The following LNX1 variants were observed in gnomAD, a reference collection of about 807,000 sequenced individuals.
The protein encoded by LNX1 is ligand of numb-protein X 1.
LNX1 carries 54 observed loss-of-function variants against 68.4 expected under a neutral mutation model. The ratio of observed to expected loss-of-function variants is 0.79; its 90% CI spans 0.63 to 0.99. LNX1 has a LOEUF of 0.99. LNX1 is among the 50% of genes least tolerant of loss of function. The pLI, the probability that LNX1 is intolerant of heterozygous loss-of-function variation, is 0.00. For synonymous variants in LNX1, 336 were observed against 350.0 expected (o/e 0.96, Z 0.45); for missense variants, 906 against 926.4 (o/e 0.98, Z 0.29).
At chr4:53,477,213 A>G (rs930411863) in intron 8 of LNX1, among the ~76,000 whole-genome samples, 2 of 152,088 alleles carry the variant, frequency 1.3e-5, no homozygotes, top group African/African-American at 4.8e-5. Flanking sequence ...TCGGTGTTTT[A>G]CACAAGAATA....
intron 9 of LNX1, among the ~76,000 whole-genome samples, chr4:53,467,926 T>C (rs1722820546): frequency 6.6e-6 from 1 of 152,170 alleles, no homozygotes; most frequent in African/African-American, 2.4e-5. Context: ...TGCAAGATAA[T>C]ATCCAGGAGA....
chr4:53,537,070 C>T (rs899237873), intron 2 of LNX1, among the ~76,000 whole-genome samples: 2 of 152,158 alleles, frequency 1.3e-5, no homozygotes, highest in Non-Finnish European at 2.9e-5. Flanking sequence ...AGACTCACCT[C>T]TAGGTTTGTT....
intron 1 of LNX1, among the ~76,000 whole-genome samples, chr4:53,644,074 T>C (rs774362460): frequency 2.0e-5 from 3 of 152,180 alleles, no homozygotes; most frequent in African/African-American, 4.8e-5. Flanking sequence ...GCACTTACTA[T>C]GTTTTGTACT....
At chr4:53,612,733 C>T (rs568100241) in intron 2 of LNX1, among the ~76,000 whole-genome samples, 125 of 148,454 alleles carry the variant, frequency 8.4e-4, no homozygotes, top group African/African-American at 2.4e-3. Context: ...GATGGGGTCT[C>T]GCTATATTGG....
chr4:53,478,523 TC>T lies in LNX1; in HGVS notation c.1663+41del, dbSNP rs754086178. ...TAACAAGCTACTAATTTCTCTTGAT[TC>T]TCTGCCACCCCAGTGCCTTTAAAAT... On this transcript the variant is annotated intron_variant, in intron 8 of 10. Transcript: ENST00000263925. The T allele has an allele frequency of 7.8e-6, 12 of 1,534,158 alleles. No homozygotes were observed. In the Admixed American group the frequency reaches 1.9e-4, roughly 25 times the overall value.
intron 2 of LNX1, among the ~76,000 whole-genome samples, chr4:53,534,292 T>G (rs532990150): frequency 4.5e-4 from 68 of 152,278 alleles, no homozygotes; most frequent in African/African-American, 1.5e-3. Context: ...GGCATATGTT[T>G]CTGGGTAGGG....
At chr4:53,620,509 T>C (rs1213955106), upstream of LNX1, among the ~76,000 whole-genome samples, 1 of 151,932 alleles carries the variant, frequency 6.6e-6, no homozygotes, top group Non-Finnish European at 1.5e-5. Context: ...TCAGACACAG[T>C]GTTAGGTGTT....
chr4:53,524,103 T>C (rs1229385751), intron 2 of LNX1: 2 of 152,222 alleles, frequency 1.3e-5, no homozygotes, highest in Admixed American at 6.5e-5. Flanking sequence ...TTACTGTTAA[T>C]AGTATTAATA....
At chr4:53,553,673 G>A (rs1388528137) in intron 2 of LNX1, among the ~76,000 whole-genome samples, 3 of 152,126 alleles carry the variant, frequency 2.0e-5, no homozygotes, top group African/African-American at 4.8e-5. Context: ...GGGCATGTGG[G>A]GAAAGAAAGC....
chr4:53,570,548 C>T (rs370129787), intron 2 of LNX1, among the ~76,000 whole-genome samples: 11 of 149,874 alleles, frequency 7.3e-5, no homozygotes, highest in South Asian at 6.4e-4. Flanking sequence ...TAGCATTGGG[C>T]GATATACCTA....
Position 53,614,428 on chromosome 4 carries a change from C to T in LNX1, c.-215+2089G>A, listed in dbSNP as rs568710395. On this transcript the variant is annotated intron_variant, in intron 2 of 3. Coordinates refer to the LNX1 transcript ENST00000504299. ...CCCTTTGGGATCTCTACCTCTATCC[C>T]TTCTCATCCATACTTCCTTTAGTGA... Among the ~76,000 whole-genome samples, 8 of 152,276 alleles carry T rather than the reference C, an allele frequency of 5.3e-5. No homozygotes were observed. In the South Asian group the frequency reaches 1.0e-3, roughly 20 times the overall value.
chr4:53,576,946 T>C (rs891698874), intron 1 of LNX1, among the ~76,000 whole-genome samples: 1 of 152,254 alleles, frequency 6.6e-6, no homozygotes, highest in African/African-American at 2.4e-5. Context: ...GTAATATGCC[T>C]GAGAGGACAC....
intron 1 of LNX1, among the ~76,000 whole-genome samples, chr4:53,648,506 C>T (rs574267950): frequency 2.0e-5 from 3 of 152,262 alleles, no homozygotes; most frequent in Admixed American, 6.5e-5. Flanking sequence ...TGGATATTAA[C>T]CCCTTCTCAG....
At chr4:53,509,714 A>G (rs1365087189) in intron 2 of LNX1, among the ~76,000 whole-genome samples, 1 of 152,182 alleles carries the variant, frequency 6.6e-6, no homozygotes, top group African/African-American at 2.4e-5. Flanking sequence ...CGCTATTTCC[A>G]TATTTTGTAC....
chr4:53,534,516 C>T (rs529020381), intron 2 of LNX1, among the ~76,000 whole-genome samples: 34 of 152,196 alleles, frequency 2.2e-4, no homozygotes, highest in African/African-American at 7.7e-4. Context: ...TGAGGACATG[C>T]TTGTAGGCCC....
chr4:53,626,330 T>C (rs903310399), intron 1 of LNX1, among the ~76,000 whole-genome samples: 1 of 152,194 alleles, frequency 6.6e-6, no homozygotes, highest in Non-Finnish European at 1.5e-5. Context: ...GATGGTTGCA[T>C]AACCCTCATA....
intron 2 of LNX1, among the ~76,000 whole-genome samples, chr4:53,552,922 A>C (rs1259290952): frequency 1.3e-5 from 2 of 152,162 alleles, no homozygotes; most frequent in Admixed American, 1.3e-4. Flanking sequence ...CAGTTATTCA[A>C]GTACAGTGCT....
chr4:53,507,235 A>C, intron 4 of LNX1, 82 bp downstream of exon 4: 1 of 1,437,826 alleles, frequency 7.0e-7, no homozygotes, highest in Non-Finnish European at 9.5e-7. Context: ...CAGAAGGTGG[A>C]AGGTGATCAG....
intron 2 of LNX1, among the ~76,000 whole-genome samples, chr4:53,557,435 C>T (rs1257777604): frequency 6.6e-6 from 1 of 152,004 alleles, no homozygotes; most frequent in Non-Finnish European, 1.5e-5. Flanking sequence ...TCTTTTTTTA[C>T]TGATACTATA....
Sources: gnomAD v4.1 joint callset for allele counts (sites outside exome capture counted in the v4.1 genomes callset) on GRCh38, gnomAD v4.1.1 for gene constraint, MANE v1.5 for transcripts, NCBI Gene and HGNC (gene_info 2026-07-23, HGNC 2026-07-21) for gene names.